RTTN: variants seen among roughly 807,000 people sequenced by gnomAD.
RTTN encodes the protein rotatin.
RTTN carries 182 observed loss-of-function variants against 269.2 expected under a neutral mutation model. The observed-to-expected ratio is 0.68, with a 90% CI of 0.60 to 0.76. The LOEUF (loss-of-function observed/expected upper bound fraction) is 0.76, where lower values mean the gene tolerates loss of function less well. RTTN is among the 30% of genes least tolerant of loss of function. RTTN has a pLI of 0.00. For missense variants in RTTN, 2,545 were observed against 2,608.6 expected, an observed-to-expected ratio of 0.98 and a Z score of 0.53; for synonymous variants, 1,006 against 963.5, an observed-to-expected ratio of 1.04 and a Z score of -0.82.
At chr18:70,133,994 G>A (rs1256588792) in intron 23 of RTTN, among the ~76,000 whole-genome samples, 1 of 152,080 alleles carries the variant, frequency 6.6e-6, no homozygotes, top group Non-Finnish European at 1.5e-5. Context: ...ACCACACCAT[G>A]TTATAGAATT....
chr18:70,193,260 T>C (rs763931723), intron 8 of RTTN, 28 bp downstream of exon 8: 2 of 1,571,340 alleles, frequency 1.3e-6, no homozygotes, highest in Non-Finnish European at 1.7e-6. Context: ...GCATTTCTCA[T>C]TTCCCCAGAG....
intron 19 of RTTN, 115 bp downstream of exon 19, chr18:70,142,173 G>C: frequency 1.6e-6 from 1 of 641,482 alleles, no homozygotes; most frequent in Non-Finnish European, 2.7e-6. Flanking sequence ...CAAAAAAAAG[G>C]CCACAGGCTG....
intron 36 of RTTN, 25 bp downstream of exon 36, chr18:70,059,825 C>T (rs1233807658): frequency 2.1e-6 from 3 of 1,462,208 alleles, no homozygotes. Context: ...ACTAACATGC[C>T]TCTCTAGGAG....
At chr18:70,004,544 A>C (rs2056121538) in intron 48 of RTTN, among the ~76,000 whole-genome samples, 1 of 152,152 alleles carries the variant, frequency 6.6e-6, no homozygotes, top group Non-Finnish European at 1.5e-5. Context: ...ATCCTTCCTA[A>C]AGCATAATCT....
chr18:70,011,001 A>G (rs2056354759), intron 46 of RTTN, among the ~76,000 whole-genome samples: 1 of 152,226 alleles, frequency 6.6e-6, no homozygotes, highest in African/African-American at 2.4e-5. Context: ...AAATGGATGA[A>G]TTCCTGGACA....
At chr18:70,106,500 T>C (rs751098062) in intron 28 of RTTN, among the ~76,000 whole-genome samples, 4 of 152,114 alleles carry the variant, frequency 2.6e-5, no homozygotes, top group African/African-American at 4.8e-5. Flanking sequence ...TGAAGGTAAA[T>C]AAATAAGTTA....
chr18:70,011,326 T>C (rs2056366365), intron 46 of RTTN, among the ~76,000 whole-genome samples: 1 of 152,092 alleles, frequency 6.6e-6, no homozygotes, highest in African/African-American at 2.4e-5. Context: ...TGAACATCGA[T>C]GCAAAAATCC....
chr18:70,084,574 T>G (rs1249095282), intron 32 of RTTN, among the ~76,000 whole-genome samples: 1 of 151,686 alleles, frequency 6.6e-6, no homozygotes, highest in Admixed American at 6.6e-5. Flanking sequence ...ATATACTGAG[T>G]TAACTATTTT....
At chr18:70,080,248 T>C (rs283765) in intron 32 of RTTN, among the ~76,000 whole-genome samples, 137,599 of 152,146 alleles carry the variant, frequency 0.9, 62,986 homozygotes, top group East Asian at 1. Flanking sequence ...ATAGAAGCAA[T>C]GACACCCCAG....
rs1555776912 is a variant in RTTN at position 70,184,716 on chromosome 18, T to TTGTG, written c.1305+3388_1305+3391dup. ...AAACCACAGCAGGTTTTTTTTTTTT[T>TTGTG]TGTGTGTGTGTGTGTGTGTGTGTGT... On this transcript the variant is annotated intron_variant, in intron 10 of 48. Coordinates refer to ENST00000640769, the MANE Select transcript of RTTN (RefSeq NM_173630.4). Among the ~76,000 whole-genome samples the TTGTG allele has an allele frequency of 7.1e-3, 233 of 32,726 alleles. 5 individuals carry two copies. The highest frequency in any genetic ancestry group is 0.02 in the East Asian group (12 of 588). 21.5% of individuals were successfully genotyped at this position (32,726 alleles called of 152,430 possible).
chr18:70,173,140 G>C (rs2061187252), intron 11 of RTTN, among the ~76,000 whole-genome samples: 1 of 152,154 alleles, frequency 6.6e-6, no homozygotes, highest in Admixed American at 6.5e-5. Context: ...TTAAAATGCA[G>C]TGTTTTATCC....
chr18:70,148,883 A>G lies in RTTN; in HGVS notation c.2309+18T>C, dbSNP rs765807601. The G allele has an allele frequency of 6.2e-7, 1 of 1,612,690 alleles. No homozygotes were observed. Among genetic ancestry groups the G allele is most frequent in the South Asian group, 1.1e-5 (1 of 90,866 alleles). ...TTTCCATCAATCTTTGACGTTCACA[A>G]GATTACGTTGTACTCACGATGGCTT... On this transcript the variant is annotated intron_variant, in intron 17 of 48. Transcript: ENST00000640769.
At chr18:70,173,986 T>C (rs1339968294) in intron 11 of RTTN, among the ~76,000 whole-genome samples, 5 of 151,238 alleles carry the variant, frequency 3.3e-5, no homozygotes, top group Non-Finnish European at 7.4e-5. Flanking sequence ...CAGAAAGGAG[T>C]GTGGCTTGGA....
chr18:70,012,380 G>A (rs1422913061), intron 46 of RTTN, among the ~76,000 whole-genome samples: 1 of 149,794 alleles, frequency 6.7e-6, no homozygotes, highest in African/African-American at 2.5e-5. Flanking sequence ...TCTGCTCACT[G>A]GTGTTAGATA....
intron 43 of RTTN, among the ~76,000 whole-genome samples, chr18:70,027,705 TAA>T (rs1568261698): frequency 6.6e-6 from 1 of 152,240 alleles, no homozygotes; most frequent in African/African-American, 2.4e-5. Flanking sequence ...AAGGAATCAT[TAA>T]GTTTATTAAT....
intron 15 of RTTN, 167 bp from the exon 16 acceptor site, chr18:70,150,254 C>A: frequency 1.7e-6 from 1 of 592,322 alleles, no homozygotes. Context: ...TTCTGTTTTT[C>A]TTCCTTAATA....
At chr18:70,188,527 C>G (rs1388136433) in intron 9 of RTTN, among the ~76,000 whole-genome samples, 1 of 152,148 alleles carries the variant, frequency 6.6e-6, no homozygotes, top group African/African-American at 2.4e-5. Flanking sequence ...AATTTAGGGA[C>G]CATCCATTTT....
chr18:70,017,443 A>C lies in RTTN; in HGVS notation c.6385T>G (p.Phe2129Val). Residue 2129 changes from phenylalanine to valine, a missense_variant, in exon 46 of 49, where the codon TTC (phenylalanine) becomes GTC (valine). Coordinates refer to ENST00000640769, the MANE Select transcript of RTTN (RefSeq NM_173630.4). The stretch of plus-strand genomic sequence containing the variant: ...ATCTTGGGTTTATTTGCAGGACTGA[A>C]GCAAACATTATGAAAGATAAGAAGA... ...LPLLIFHNVC[F>V]SPANKPKILA... The C allele has an allele frequency of 6.2e-7, 1 of 1,614,046 alleles. No individual in the cohort carries two copies. Among genetic ancestry groups the C allele is most frequent in the East Asian group, 2.2e-5 (1 of 44,852 alleles).
At chr18:70,052,490 T>C (rs1473443215) in intron 38 of RTTN, among the ~76,000 whole-genome samples, 1 of 152,078 alleles carries the variant, frequency 6.6e-6, no homozygotes, top group African/African-American at 2.4e-5. Context: ...AAAGGCTAAG[T>C]ATAGAGCTTA....
Sources: gnomAD v4.1 joint callset for allele counts (sites outside exome capture counted in the v4.1 genomes callset) on GRCh38, gnomAD v4.1.1 for gene constraint, MANE v1.5 for transcripts, NCBI Gene and HGNC (gene_info 2026-07-23, HGNC 2026-07-21) for gene names.